The following R3HDM1 variants were observed in gnomAD, a reference collection of about 807,000 sequenced individuals.
R3HDM1 encodes R3H domain containing 1.
R3HDM1 carries 46 observed loss-of-function variants against 141.1 expected under a neutral mutation model. The observed-to-expected ratio is 0.33, with a 90% CI of 0.26 to 0.42. The LOEUF is 0.42. Ranked by LOEUF, R3HDM1 falls within the 10% of genes least tolerant of loss-of-function variation. The pLI, the probability that R3HDM1 is intolerant of heterozygous loss-of-function variation, is 1.00. For missense variants in R3HDM1, 1,184 were observed against 1,368.3 expected, an observed-to-expected ratio of 0.87 and a Z score of 2.12; for synonymous variants, 435 against 472.9, an observed-to-expected ratio of 0.92 and a Z score of 1.04.
At chr2:135,535,190 T>A (rs1396302397) in intron 1 of R3HDM1, among the ~76,000 whole-genome samples, 1 of 152,176 alleles carries the variant, frequency 6.6e-6, no homozygotes, top group Non-Finnish European at 1.5e-5. Flanking sequence ...ATAATTTATT[T>A]CTTATAACTT....
chr2:135,622,681 C>A lies in R3HDM1; in HGVS notation c.446C>A (p.Thr149Asn). 6.2e-7 allele frequency: 1 copy of A among 1,602,060 alleles called. No homozygotes were observed. The highest frequency in any genetic ancestry group is 8.5e-7 in the Non-Finnish European group (1 of 1,173,374). ...RDSSQEYTDSTGIDLHEFLVN... is the reference protein window; with the variant it reads ...RDSSQEYTDSNGIDLHEFLVN... ...TCCAGTCAAGAATACACTGATTCAA[C>A]TGGCATAGATCTACATGAATTTTTA... The change falls in exon 7 of 27, where the codon ACT (threonine) becomes AAT (asparagine). Residue 149 changes from threonine (T) to asparagine (N), a missense_variant. Coordinates refer to ENST00000683871, the MANE Select transcript of R3HDM1 (RefSeq NM_001378107.1).
intron 3 of R3HDM1, chr2:135,605,261 C>T: frequency 4.0e-6 from 1 of 249,220 alleles, no homozygotes; most frequent in Non-Finnish European, 7.7e-6. Flanking sequence ...TCTACTTTCT[C>T]ATTCCACCCT....
intron 1 of R3HDM1, among the ~76,000 whole-genome samples, chr2:135,588,002 G>T (rs899099430): frequency 2.0e-5 from 3 of 151,556 alleles, no homozygotes; most frequent in Non-Finnish European, 4.4e-5. Context: ...GTGTTTCAGG[G>T]TGTCTCTCCC....
At chr2:135,550,098 T>C in intron 1 of R3HDM1, 2 of 984,876 alleles carry the variant, frequency 2.0e-6, no homozygotes, top group Non-Finnish European at 2.4e-6. Flanking sequence ...TGAAGTTTTG[T>C]TAAGTCCATA....
At chr2:135,553,114 C>T (rs951277732) in intron 1 of R3HDM1, among the ~76,000 whole-genome samples, 1 of 152,186 alleles carries the variant, frequency 6.6e-6, no homozygotes, top group African/African-American at 2.4e-5. Flanking sequence ...AACTGATCTA[C>T]CTGCCTTGGC....
intron 21 of R3HDM1, among the ~76,000 whole-genome samples, chr2:135,699,029 AGAT>A (rs1157427803): frequency 7.7e-5 from 9 of 117,526 alleles, no homozygotes; most frequent in African/African-American, 2.4e-4. Flanking sequence ...ATAGATAGAT[AGAT>A]AGATAGATAG....
chr2:135,549,402 A>C (rs1256120656), intron 1 of R3HDM1, among the ~76,000 whole-genome samples: 1 of 151,918 alleles, frequency 6.6e-6, no homozygotes, highest in Non-Finnish European at 1.5e-5. Flanking sequence ...TAAAAATACA[A>C]AAATTAGCTG....
chr2:135,719,620 G>A (rs1441898133), intron 24 of R3HDM1, among the ~76,000 whole-genome samples: 4 of 152,230 alleles, frequency 2.6e-5, no homozygotes, highest in Admixed American at 6.5e-5. Context: ...TGGATGATAG[G>A]TACATTATGC....
intron 23 of R3HDM1, among the ~76,000 whole-genome samples, chr2:135,711,311 G>A (rs1022363284): frequency 6.6e-6 from 1 of 152,206 alleles, no homozygotes; most frequent in African/African-American, 2.4e-5. Flanking sequence ...CATTAAAAGA[G>A]ACTCAAGAGG....
chr2:135,669,229 A>G lies in R3HDM1; in HGVS notation c.2153-6103A>G, dbSNP rs148333240. The G allele has an allele frequency of 1.3e-3, 1,238 of 985,424 alleles. 8 individuals are homozygous for G. The South Asian group carries it at 0.014, about 11-fold the overall frequency. 61.0% of individuals were successfully genotyped at this position (985,424 alleles called of 1,614,324 possible). A position where few individuals can be genotyped will look rare whatever the true frequency, so the allele number is the denominator to read the frequency against. ...GGGTAGTGGACAAACCAAGGGAAGG[A>G]CTGTTCCTCCCACAGAGAGGACATT... On this transcript the variant is annotated intron_variant, in intron 19 of 26. Coordinates refer to ENST00000683871, the MANE Select transcript of R3HDM1 (RefSeq NM_001378107.1).
intron 21 of R3HDM1, among the ~76,000 whole-genome samples, chr2:135,691,636 T>G (rs938899651): frequency 2.0e-5 from 3 of 151,792 alleles, no homozygotes; most frequent in African/African-American, 7.3e-5. Context: ...CTTTTTAAAT[T>G]AAATATATAA....
intron 1 of R3HDM1, among the ~76,000 whole-genome samples, chr2:135,548,461 T>A (rs887153799): frequency 6.6e-6 from 1 of 152,368 alleles, no homozygotes; most frequent in East Asian, 1.9e-4. Flanking sequence ...AAATCATAAA[T>A]ATGTCATTCA....
chr2:135,562,036 C>T (rs989194960), intron 1 of R3HDM1, among the ~76,000 whole-genome samples: 1 of 152,174 alleles, frequency 6.6e-6, no homozygotes, highest in Non-Finnish European at 1.5e-5. Flanking sequence ...ACCAGAATGT[C>T]TCAACAAAAG....
At chr2:135,597,657 C>T (rs61520813) in intron 1 of R3HDM1, among the ~76,000 whole-genome samples, 6,748 of 152,120 alleles carry the variant, frequency 0.044, 501 homozygotes, top group African/African-American at 0.16. Flanking sequence ...TCTAATGAAA[C>T]GGGATTGGAT....
intron 19 of R3HDM1, chr2:135,667,159 G>A (rs759056918): frequency 4.2e-5 from 41 of 974,490 alleles, no homozygotes; most frequent in Non-Finnish European, 4.8e-5. Context: ...GTTAATGCCT[G>A]TTCAATACTT....
chr2:135,547,436 A>G lies in R3HDM1; in HGVS notation c.-250+15803A>G, dbSNP rs1698928880. Among the ~76,000 whole-genome samples, 4 of 149,688 alleles carry G rather than the reference A, an allele frequency of 2.7e-5. No individual in the cohort carries two copies. In the South Asian group the frequency reaches 6.3e-4, roughly 23 times the overall value. On this transcript the variant is annotated intron_variant, in intron 1 of 26. Coordinates refer to ENST00000683871, the MANE Select transcript of R3HDM1 (RefSeq NM_001378107.1). The stretch of plus-strand genomic sequence containing the variant: ...GAATTATGTCACATTGTTACTTCTT[A>G]TGACTGTCTTCGATTTTTTTTTCTG...
In R3HDM1 at chr2:135,722,059, T is replaced by G. The variant is rs184301636; in HGVS notation, c.2964+53T>G. 141 of 1,548,718 alleles carry G rather than the reference T, an allele frequency of 9.1e-5. No individual in the cohort carries two copies. The African/African-American group carries it at 1.8e-3, about 20-fold the overall frequency. On this transcript the variant is annotated intron_variant, in intron 25 of 26. Transcript: ENST00000683871. ...TTTGTTGCAGAACATCATAGCTCCC[T>G]CAGAGTGTAAGGGGCAACCCTGAGC... is the stretch of plus-strand genomic sequence containing the variant.
At chr2:135,621,893 A>G (rs1046986963) in intron 6 of R3HDM1, 2 of 976,324 alleles carry the variant, frequency 2.0e-6, no homozygotes, top group Non-Finnish European at 2.4e-6. Context: ...TATAATTTTT[A>G]TATTGATTCA....
intron 22 of R3HDM1, 127 bp downstream of exon 22, chr2:135,709,663 G>C: frequency 9.7e-6 from 11 of 1,130,942 alleles, no homozygotes; most frequent in African/African-American, 1.6e-5. Flanking sequence ...CAATATTGAG[G>C]GTGCTGTACT....
Sources: gnomAD v4.1 joint callset for allele counts (sites outside exome capture counted in the v4.1 genomes callset) on GRCh38, gnomAD v4.1.1 for gene constraint, MANE v1.5 for transcripts, NCBI Gene and HGNC (gene_info 2026-07-23, HGNC 2026-07-21) for gene names.